The following ZSWIM5 variants were observed in gnomAD, a reference collection of about 807,000 sequenced individuals.
ZSWIM5 encodes zinc finger SWIM domain-containing protein 5.
In ZSWIM5, 55 loss-of-function variants were observed where a neutral mutation model predicts 119.6. The ratio of observed to expected loss-of-function variants is 0.46; its 90% confidence interval spans 0.37 to 0.58. The LOEUF (loss-of-function observed/expected upper bound fraction) is 0.58. Among genes scored for constraint, ZSWIM5 ranks in the 20% least tolerant of loss-of-function variants. The pLI is 0.00. For synonymous variants in ZSWIM5, 537 were observed against 606.9 expected, an observed-to-expected ratio of 0.88 and a Z score of 1.69; for missense variants, 1,193 against 1,512.8, an observed-to-expected ratio of 0.79 and a Z score of 3.51.
intron 1 of ZSWIM5, among the ~76,000 whole-genome samples, chr1:45,166,850 T>C (rs1323786349): frequency 6.6e-6 from 1 of 152,150 alleles, no homozygotes; most frequent in Non-Finnish European, 1.5e-5. Context: ...GAACATTCCA[T>C]GCTCATGGAT....
intron 1 of ZSWIM5, among the ~76,000 whole-genome samples, chr1:45,184,478 A>T (rs1309869478): frequency 3.3e-5 from 5 of 152,230 alleles, no homozygotes; most frequent in African/African-American, 1.2e-4. Context: ...TGCAGATGTC[A>T]TGATTGTATA....
chr1:45,205,306 T>C (rs1646180911), intron 1 of ZSWIM5, among the ~76,000 whole-genome samples: 2 of 152,194 alleles, frequency 1.3e-5, no homozygotes, highest in African/African-American at 4.8e-5. Flanking sequence ...TTCCCAGTGT[T>C]AATTTCATCG....
Position 45,035,786 on chromosome 1 carries a change from TC to T in ZSWIM5, c.2192del (p.Arg731GlnfsTer28). 6.2e-7 allele frequency: 1 copy of T among 1,613,750 alleles called. No homozygotes were observed. Among genetic ancestry groups the T allele is most frequent in the Non-Finnish European group, 8.5e-7 (1 of 1,180,002 alleles). ...CAAAGGTATGCATGGGAACACTCTC[TC>T]GGTGGATGACTTCTCCCAGACCGCT... Reference protein sequence around the residue: ...PFSGLGEVIHRESVPMHTFAK... With the variant: ...PFSGLGEVIHXESVPMHTFAK... On this transcript the variant is annotated frameshift_variant, in exon 10 of 14. Transcript: ENST00000359600. LOFTEE classifies it high-confidence loss of function.
Position 45,142,270 on chromosome 1 carries a change from T to C in ZSWIM5, c.596-54033A>G, listed in dbSNP as rs373438782. Among the ~76,000 whole-genome samples the C allele has an allele frequency of 1.6e-4, 25 of 152,346 alleles. 1 individual carries two copies. The South Asian group carries it at 5.0e-3, about 30-fold the overall frequency. ...TAACTACACATACAAATTGGACAAC[T>C]TTAATGAAATCAACTAATTTCTCAC... is the stretch of plus-strand genomic sequence containing the variant. On this transcript the variant is annotated intron_variant, in intron 1 of 13. Coordinates refer to ENST00000359600, the MANE Select transcript of ZSWIM5 (RefSeq NM_020883.2).
chr1:45,084,151 C>A (rs2149010029), intron 2 of ZSWIM5, among the ~76,000 whole-genome samples: 1 of 152,248 alleles, frequency 6.6e-6, no homozygotes. Flanking sequence ...TGCAAGCAAT[C>A]CACACACCTT....
chr1:45,138,916 G>A (rs113609428), intron 1 of ZSWIM5, among the ~76,000 whole-genome samples: 2,148 of 144,506 alleles, frequency 0.015, 66 homozygotes, highest in African/African-American at 0.053. Flanking sequence ...TTTTGAGACC[G>A]AGTCTTGCTC....
chr1:45,039,214 T>C (rs1032906189), intron 7 of ZSWIM5, 141 bp from the exon 8 acceptor site: 2 of 1,078,764 alleles, frequency 1.9e-6, no homozygotes, highest in African/African-American at 3.1e-5. Flanking sequence ...CTTGGGTTGA[T>C]ACGGCTGGCC....
At chr1:45,098,477 G>T (rs1044010343) in intron 1 of ZSWIM5, among the ~76,000 whole-genome samples, 31 of 152,126 alleles carry the variant, frequency 2.0e-4, no homozygotes, top group African/African-American at 7.0e-4. Flanking sequence ...TGAGCAGAAG[G>T]TCTTTCCAAT....
At chr1:45,166,007 A>C (rs865939504) in intron 1 of ZSWIM5, among the ~76,000 whole-genome samples, 15 of 152,114 alleles carry the variant, frequency 9.9e-5, no homozygotes, top group Non-Finnish European at 2.2e-4. Flanking sequence ...TGGCAGAGAC[A>C]CAACAAAAAA....
At chr1:45,055,825 A>AAG (rs1645118485) in intron 4 of ZSWIM5, among the ~76,000 whole-genome samples, 2 of 152,190 alleles carry the variant, frequency 1.3e-5, no homozygotes, top group African/African-American at 2.4e-5. Flanking sequence ...TATGGAAACC[A>AAG]AGAGAAGAGT....
chr1:45,094,940 A>G (rs760932048), intron 1 of ZSWIM5, among the ~76,000 whole-genome samples: 10 of 152,056 alleles, frequency 6.6e-5, no homozygotes, highest in Non-Finnish European at 1.3e-4. Context: ...ACAATTATCA[A>G]CACAAAGACA....
chr1:45,073,656 T>C (rs993988583), intron 2 of ZSWIM5, among the ~76,000 whole-genome samples: 6 of 151,894 alleles, frequency 4.0e-5, no homozygotes, highest in Non-Finnish European at 7.3e-5. Flanking sequence ...TTTTTCCAAA[T>C]ATAAGATCAT....
intron 1 of ZSWIM5, among the ~76,000 whole-genome samples, chr1:45,192,853 T>C (rs1646100425): frequency 6.6e-6 from 1 of 152,168 alleles, no homozygotes; most frequent in African/African-American, 2.4e-5. Context: ...TCCTAATGGG[T>C]GTGAAGTAGT....
chr1:45,060,681 T>A (rs537348687), intron 2 of ZSWIM5, among the ~76,000 whole-genome samples: 1 of 152,334 alleles, frequency 6.6e-6, no homozygotes, highest in African/African-American at 2.4e-5. Context: ...AAGTTCTTTT[T>A]GTTTGTTTGA....
intron 11 of ZSWIM5, among the ~76,000 whole-genome samples, chr1:45,025,555 T>C (rs1644915968): frequency 6.6e-6 from 1 of 152,242 alleles, no homozygotes; most frequent in Admixed American, 6.5e-5. Flanking sequence ...TATTCCTAAG[T>C]ACTTCATTTT....
chr1:45,094,698 TGAAAA>T (rs1645388695), intron 1 of ZSWIM5, among the ~76,000 whole-genome samples: 1 of 151,880 alleles, frequency 6.6e-6, no homozygotes, highest in South Asian at 2.1e-4. Flanking sequence ...CCTGCCTCCA[TGAAAA>T]GTACAAAAAA....
intron 2 of ZSWIM5, among the ~76,000 whole-genome samples, chr1:45,076,782 T>C (rs560281646): frequency 2.6e-5 from 4 of 152,124 alleles, no homozygotes; most frequent in Non-Finnish European, 5.9e-5. Flanking sequence ...TAGGTATGTA[T>C]CACTCATTTT....
chr1:45,096,556 A>G (rs1051922094), intron 1 of ZSWIM5, among the ~76,000 whole-genome samples: 34 of 148,118 alleles, frequency 2.3e-4, no homozygotes, highest in East Asian at 3.9e-4. Flanking sequence ...ACACACACGC[A>G]CACACACACA....
chr1:45,049,143 TA>T (rs747449190), intron 5 of ZSWIM5, among the ~76,000 whole-genome samples: 1 of 151,698 alleles, frequency 6.6e-6, no homozygotes, highest in Admixed American at 6.6e-5. Context: ...AAAAAGAAAT[TA>T]AAAAAAGAAT....
Sources: allele counts gnomAD v4.1 joint callset (sites outside exome capture counted in the v4.1 genomes callset), GRCh38; gene constraint gnomAD v4.1.1; transcripts MANE v1.5; gene names NCBI Gene and HGNC (gene_info 2026-07-23, HGNC 2026-07-21).